FIGLA: variants seen among roughly 807,000 people sequenced by gnomAD.
FIGLA encodes folliculogenesis specific bHLH transcription factor.
FIGLA carries 17 observed loss-of-function variants against 21.5 expected under a neutral mutation model. That is an observed-to-expected ratio of 0.79 (90% CI 0.54 to 1.19). The LOEUF is 1.19. FIGLA is among the 50% of genes most tolerant of loss of function. The probability of loss-of-function intolerance (pLI) is 0.00; values close to 1 mark genes in which losing one functional copy is unlikely to be tolerated. For missense variants in FIGLA, 282 were observed against 285.0 expected (o/e 0.99, Z 0.08); for synonymous variants, 129 against 117.6 (o/e 1.10, Z -0.63).
chr2:70,789,172 A>ATG (rs1491082500), intron 1 of FIGLA, among the ~76,000 whole-genome samples: 2 of 147,214 alleles, frequency 1.4e-5, no homozygotes, highest in African/African-American at 5.1e-5. Flanking sequence ...ATATATATAT[A>ATG]TGAATACACA....
At chr2:70,777,527 C>T (rs551292021) in intron 4 of FIGLA, 110 bp downstream of exon 4, 1 of 1,415,326 alleles carries the variant, frequency 7.1e-7, no homozygotes, top group East Asian at 2.5e-5. Context: ...CATTAAGATT[C>T]CTTCTTTTAA....
intron 1 of FIGLA, among the ~76,000 whole-genome samples, chr2:70,789,354 C>T (rs1308533661): frequency 1.3e-5 from 2 of 152,066 alleles, no homozygotes; most frequent in Non-Finnish European, 2.9e-5. Flanking sequence ...AGGACTGATT[C>T]TCTGGAGAAG....
chr2:70,790,457 T>G lies in FIGLA; in HGVS notation c.182A>C (p.Gln61Pro). The G allele has an allele frequency of 1.3e-6, 2 of 1,545,264 alleles. No individual in the cohort carries two copies. Among genetic ancestry groups the G allele is most frequent in the Non-Finnish European group, 1.7e-6 (2 of 1,146,042 alleles). The change falls in exon 1 of 5, where the codon CAG (glutamine) becomes CCG (proline). Residue 61 changes from glutamine (Q) to proline (P), a missense_variant. Transcript: ENST00000332372. Reference protein sequence around the residue: ...SGGYSSTENLQLVLERRRVAN... With the variant: ...SGGYSSTENLPLVLERRRVAN... ...CACACGCCGCCGCTCCAGCACCAAC[T>G]GGAGGTTTTCAGTGGACGAGTAGCC...
intron 3 of FIGLA, among the ~76,000 whole-genome samples, chr2:70,782,471 C>A (rs1675873015): frequency 6.6e-6 from 1 of 152,182 alleles, no homozygotes; most frequent in South Asian, 2.1e-4. Context: ...GCCATGGCAA[C>A]TAAATGTAAT....
At chr2:70,785,190 G>A (rs782043540) in intron 3 of FIGLA, among the ~76,000 whole-genome samples, 8 of 152,144 alleles carry the variant, frequency 5.3e-5, no homozygotes, top group African/African-American at 9.7e-5. Context: ...GCTTAGGTCT[G>A]TATTGGGTGG....
chr2:70,785,167 A>AT (rs782356481), intron 3 of FIGLA, among the ~76,000 whole-genome samples: 2 of 152,120 alleles, frequency 1.3e-5, no homozygotes, highest in Non-Finnish European at 2.9e-5. Flanking sequence ...AAATAGTTTC[A>AT]TTTAAAAGAT....
chr2:70,779,004 C>T (rs913360550), intron 3 of FIGLA, among the ~76,000 whole-genome samples: 2 of 152,180 alleles, frequency 1.3e-5, no homozygotes, highest in East Asian at 3.9e-4. Context: ...AAAAGCAAGG[C>T]TCTTTCCAAA....
intron 3 of FIGLA, among the ~76,000 whole-genome samples, chr2:70,778,274 C>A (rs1160232223): frequency 6.6e-6 from 1 of 152,168 alleles, no homozygotes; most frequent in Non-Finnish European, 1.5e-5. Context: ...TCCTTAGTTT[C>A]CTCACATGTA....
Position 70,785,431 on chromosome 2 carries a change from G to A in FIGLA, c.593C>T (p.Ser198Phe), listed in dbSNP as rs1675928011. ...ATATTTTACCAGACTTCTGGTTGGG[G>A]AGATAATTTCAGTCGTAGACATCAC... The part of the protein sequence containing the change: ...HSVMSTTEII[S>F]PTRSLDRFPE... The change falls in exon 3 of 5, where the codon TCC becomes TTC. Residue 198 changes from serine (S) to phenylalanine (F), a missense_variant. By Grantham distance (155) the Ser-to-Phe change is radical (BLOSUM62 -2). Coordinates refer to ENST00000332372, the MANE Select transcript of FIGLA (RefSeq NM_001004311.3). The A allele has an allele frequency of 1.9e-6, 3 of 1,611,132 alleles. No individual in the cohort carries two copies. The highest frequency in any genetic ancestry group is 2.7e-5 in the African/African-American group (2 of 75,020).
intron 2 of FIGLA, among the ~76,000 whole-genome samples, chr2:70,786,086 G>T (rs782653897): frequency 6.6e-6 from 1 of 152,042 alleles, no homozygotes; most frequent in Non-Finnish European, 1.5e-5. Context: ...ATATTCAAAG[G>T]TACTATCATA....
At chr2:70,777,713 G>T in intron 3 of FIGLA, 42 bp from the exon 4 acceptor site, 3 of 1,058,406 alleles carry the variant, frequency 2.8e-6, no homozygotes, top group Admixed American at 1.9e-5. Context: ...TAAACACATC[G>T]GTTATTTGTC....
At chr2:70,784,745 T>C (rs1302597233) in intron 3 of FIGLA, among the ~76,000 whole-genome samples, 1 of 152,172 alleles carries the variant, frequency 6.6e-6, no homozygotes, top group African/African-American at 2.4e-5. Flanking sequence ...TCAATAGTAA[T>C]TGTGTTGCAG....
intron 2 of FIGLA, among the ~76,000 whole-genome samples, chr2:70,786,078 A>C (rs114526143): frequency 3.3e-5 from 5 of 152,336 alleles, no homozygotes; most frequent in Non-Finnish European, 7.3e-5. Context: ...AGAAAAAAAT[A>C]TTCAAAGGTA....
rs6546631 is a variant in FIGLA at position 70,785,088 on chromosome 2, G to A, written c.609+327C>T. ...AAAAGATAAACTTAGGTCTGTATTG[G>A]GTGGTTCTGGGGTTAAATAGGATCA... On this transcript the variant is annotated intron_variant, in intron 3 of 4. Coordinates refer to ENST00000332372, the MANE Select transcript of FIGLA (RefSeq NM_001004311.3). Among the ~76,000 whole-genome samples the A allele has an allele frequency of 0.53, 80,286 of 151,252 alleles. 22,238 individuals carry two copies. The highest frequency in any genetic ancestry group is 0.74 in the East Asian group (3,797 of 5,148).
chr2:70,787,556 A>G lies in FIGLA; in HGVS notation c.384+93T>C, dbSNP rs1675978399. On this transcript the variant is annotated intron_variant, in intron 2 of 4. Transcript: ENST00000332372. ...CTTAGAGGTTATAAACCTTAAGTGG[A>G]AAGTATACATATATCACTTGGCACA... 25 of 1,275,438 alleles carry G rather than the reference A, an allele frequency of 2.0e-5. No individual in the cohort carries two copies. In the South Asian group the frequency reaches 3.1e-4, roughly 16 times the overall value. The allele number at this position is 1,275,438 out of a possible 1,614,324, so 79.0% of individuals were successfully genotyped here.
intron 3 of FIGLA, among the ~76,000 whole-genome samples, chr2:70,778,976 T>TTTAGA (rs1558596545): frequency 2.0e-5 from 3 of 152,344 alleles, no homozygotes; most frequent in African/African-American, 7.2e-5. Context: ...GTTCAGTCCC[T>TTTAGA]GTTCCTATGA....
intron 3 of FIGLA, among the ~76,000 whole-genome samples, chr2:70,784,511 A>T (rs1675910806): frequency 6.6e-6 from 1 of 152,222 alleles, no homozygotes; most frequent in South Asian, 2.1e-4. Flanking sequence ...ACTGAGGATT[A>T]GAGGCATTTA....
chr2:70,784,945 C>A (rs202216752), intron 3 of FIGLA, among the ~76,000 whole-genome samples: 44 of 139,386 alleles, frequency 3.2e-4, no homozygotes, highest in African/African-American at 3.7e-4. Flanking sequence ...CCCCCCACCA[C>A]AAAAAAAAAA....
intron 3 of FIGLA, among the ~76,000 whole-genome samples, chr2:70,781,349 A>C (rs1203457833): frequency 6.6e-6 from 1 of 152,136 alleles, no homozygotes; most frequent in African/African-American, 2.4e-5. Flanking sequence ...ACCTTCTGCC[A>C]AAAAGGAAAT....
Sources: allele counts gnomAD v4.1 joint callset (sites outside exome capture counted in the v4.1 genomes callset), GRCh38; gene constraint gnomAD v4.1.1; transcripts MANE v1.5; gene names NCBI Gene and HGNC (gene_info 2026-07-23, HGNC 2026-07-21).